SGIP1: variants seen among roughly 807,000 people sequenced by gnomAD.
SGIP1 encodes SH3GL interacting endocytic adaptor 1.
In SGIP1, 38 loss-of-function variants were observed where a neutral mutation model predicts 107.5. The ratio of observed to expected loss-of-function variants is 0.35; its 90% confidence interval spans 0.27 to 0.46. The LOEUF is 0.46. SGIP1 is among the 20% of genes least tolerant of loss of function. SGIP1 has a pLI of 1.00. For missense variants in SGIP1, 929 were observed against 1,019.5 expected, an observed-to-expected ratio of 0.91 and a Z score of 1.21; for synonymous variants, 365 against 366.1, an observed-to-expected ratio of 1.00 and a Z score of 0.03.
intron 1 of SGIP1, among the ~76,000 whole-genome samples, chr1:66,608,949 C>A (rs2067379001): frequency 7.8e-6 from 1 of 127,876 alleles, no homozygotes; most frequent in Non-Finnish European, 1.7e-5. Context: ...TTTTTTTTCT[C>A]AGTAATGGAG....
At chr1:66,627,026 TC>T (rs1457052428) in intron 2 of SGIP1, among the ~76,000 whole-genome samples, 2 of 152,182 alleles carry the variant, frequency 1.3e-5, no homozygotes, top group South Asian at 4.1e-4. Context: ...AGATAAAATA[TC>T]TACTACATAA....
intron 24 of SGIP1, among the ~76,000 whole-genome samples, chr1:66,742,795 G>T (rs897326947): frequency 6.6e-6 from 1 of 152,004 alleles, no homozygotes; most frequent in Non-Finnish European, 1.5e-5. Flanking sequence ...AACATAAGTT[G>T]GATTCTCACA....
At chr1:66,575,798 G>GGT (rs1233362961) in intron 1 of SGIP1, among the ~76,000 whole-genome samples, 1 of 152,112 alleles carries the variant, frequency 6.6e-6, no homozygotes, top group Non-Finnish European at 1.5e-5. Flanking sequence ...TAAAATGTGT[G>GGT]GTGTGTGTGT....
chr1:66,590,183 C>A (rs2063391468), intron 1 of SGIP1, among the ~76,000 whole-genome samples: 1 of 152,198 alleles, frequency 6.6e-6, no homozygotes, highest in Non-Finnish European at 1.5e-5. Flanking sequence ...TGAGAAATGT[C>A]ATTTTTAACA....
intron 18 of SGIP1, among the ~76,000 whole-genome samples, chr1:66,711,182 T>A (rs1250766755): frequency 2.0e-5 from 3 of 152,208 alleles, no homozygotes; most frequent in African/African-American, 7.2e-5. Flanking sequence ...TTATGTACTA[T>A]GAAATTTTAG....
intron 1 of SGIP1, among the ~76,000 whole-genome samples, chr1:66,610,917 A>G (rs1570567842): frequency 6.6e-6 from 1 of 152,092 alleles, no homozygotes; most frequent in East Asian, 1.9e-4. Flanking sequence ...CTCACTCATA[A>G]GTGGGAGCTA....
At chr1:66,678,284 T>G (rs753712811) in intron 13 of SGIP1, among the ~76,000 whole-genome samples, 1 of 152,104 alleles carries the variant, frequency 6.6e-6, no homozygotes, top group Non-Finnish European at 1.5e-5. Context: ...AGAAAGTAAA[T>G]GAATTGTTTA....
At chr1:66,636,103 A>C in intron 4 of SGIP1, 88 bp downstream of exon 4, 1 of 1,266,062 alleles carries the variant, frequency 7.9e-7, no homozygotes, top group Admixed American at 2.0e-5. Flanking sequence ...AAAACACAGT[A>C]GTTTTCATTT....
chr1:66,724,580 T>A (rs1216295481), intron 19 of SGIP1, among the ~76,000 whole-genome samples: 2 of 152,160 alleles, frequency 1.3e-5, no homozygotes, highest in Admixed American at 6.6e-5. Flanking sequence ...GGACTACTTC[T>A]CCCACCTTCT....
chr1:66,634,957 C>T (rs2075501026), intron 3 of SGIP1, among the ~76,000 whole-genome samples: 1 of 152,146 alleles, frequency 6.6e-6, no homozygotes, highest in Non-Finnish European at 1.5e-5. Context: ...TTCCTTCAGC[C>T]CTTGTTTCTA....
At chr1:66,557,562 A>C (rs1323202749) in intron 1 of SGIP1, among the ~76,000 whole-genome samples, 1 of 152,114 alleles carries the variant, frequency 6.6e-6, no homozygotes, top group Admixed American at 6.6e-5. Flanking sequence ...CTCCAAACAC[A>C]TCAGGGAACT....
intron 1 of SGIP1, among the ~76,000 whole-genome samples, chr1:66,583,436 G>T (rs139101995): frequency 2.0e-5 from 3 of 152,144 alleles, no homozygotes; most frequent in African/African-American, 7.2e-5. Context: ...ACGCACTTTC[G>T]TTCTTGTCAA....
At chr1:66,662,773 G>A (rs149757394) in intron 8 of SGIP1, among the ~76,000 whole-genome samples, 198 of 152,212 alleles carry the variant, frequency 1.3e-3, no homozygotes, top group Non-Finnish European at 2.3e-3. Flanking sequence ...AATGTTTTCC[G>A]CATTGGAAGA....
chr1:66,640,182 C>T (rs1571085435), intron 5 of SGIP1, among the ~76,000 whole-genome samples: 1 of 152,284 alleles, frequency 6.6e-6, no homozygotes, highest in South Asian at 2.1e-4. Context: ...AGCCCCCACA[C>T]ATATCAGCTG....
chr1:66,750,324 C>A lies in SGIP1; in HGVS notation c.*7229C>A, dbSNP rs1219487584. Among the ~76,000 whole-genome samples the A allele has an allele frequency of 6.6e-6, 1 of 152,028 alleles. No homozygotes were observed. Among genetic ancestry groups the A allele is most frequent in the African/African-American group, 2.4e-5 (1 of 41,368 alleles). On this transcript the variant is annotated 3_prime_UTR_variant, in exon 25 of 25. Transcript: ENST00000371037. ...AAATACTCGGATATTAATTTTCATT[C>A]TTACTAAGTGGCCATGTAAGGCATT...
At chr1:66,563,787 G>C (rs1208521066) in intron 1 of SGIP1, among the ~76,000 whole-genome samples, 1 of 151,826 alleles carries the variant, frequency 6.6e-6, no homozygotes, top group Non-Finnish European at 1.5e-5. Flanking sequence ...GTCTTCCTGT[G>C]GTAGTTGAAG....
At chr1:66,648,185 A>T (rs1037987589) in intron 7 of SGIP1, among the ~76,000 whole-genome samples, 4 of 152,166 alleles carry the variant, frequency 2.6e-5, no homozygotes, top group African/African-American at 4.8e-5. Context: ...AGGAAGGGGC[A>T]TGCCCTTGGG....
chr1:66,671,510 T>C (rs1241137899), intron 10 of SGIP1, among the ~76,000 whole-genome samples: 1 of 152,282 alleles, frequency 6.6e-6, no homozygotes, highest in Middle Eastern at 3.4e-3. Flanking sequence ...AAATTCATGT[T>C]TCATAGTTAA....
chr1:66,570,066 G>A (rs193175621), intron 1 of SGIP1, among the ~76,000 whole-genome samples: 144 of 151,688 alleles, frequency 9.5e-4, no homozygotes, highest in African/African-American at 3.4e-3. Flanking sequence ...CTGTAGTAAT[G>A]TCCTCTCTTT....
Sources: gnomAD v4.1 joint callset for allele counts (sites outside exome capture counted in the v4.1 genomes callset) on GRCh38, gnomAD v4.1.1 for gene constraint, MANE v1.5 for transcripts, NCBI Gene and HGNC (gene_info 2026-07-23, HGNC 2026-07-21) for gene names.